PPP3CA: variants seen among roughly 807,000 people sequenced by gnomAD.
PPP3CA encodes the protein CAM-PRP catalytic subunit.
Under a neutral mutation model 66.5 loss-of-function variants are expected in PPP3CA, and 14 were observed. The ratio of observed to expected loss-of-function variants is 0.21; its 90% CI spans 0.14 to 0.33. PPP3CA has a LOEUF of 0.33. PPP3CA is among the 10% of genes least tolerant of loss of function. PPP3CA has a pLI of 1.00. For missense variants in PPP3CA, 317 were observed against 639.5 expected, an observed-to-expected ratio of 0.50 and a Z score of 5.44; for synonymous variants, 232 against 226.2, an observed-to-expected ratio of 1.03 and a Z score of -0.23.
intron 1 of PPP3CA, among the ~76,000 whole-genome samples, chr4:101,333,167 TG>T (rs1168266887): frequency 2.0e-5 from 3 of 146,896 alleles, no homozygotes; most frequent in Non-Finnish European, 4.5e-5. Flanking sequence ...TGTAACGGCA[TG>T]ATCATGACTC....
chr4:101,132,660 T>C (rs1319195661), intron 2 of PPP3CA, among the ~76,000 whole-genome samples: 1 of 152,178 alleles, frequency 6.6e-6, no homozygotes, highest in Non-Finnish European at 1.5e-5. Flanking sequence ...AGCCGAATTC[T>C]ACCAGAGGTA....
intron 1 of PPP3CA, among the ~76,000 whole-genome samples, chr4:101,246,448 A>C (rs1256304405): frequency 6.6e-6 from 1 of 152,202 alleles, no homozygotes; most frequent in Non-Finnish European, 1.5e-5. Flanking sequence ...TGCAAAGGAG[A>C]CCAAATGTAC....
chr4:101,284,378 A>G (rs1727772124), intron 1 of PPP3CA, among the ~76,000 whole-genome samples: 1 of 137,016 alleles, frequency 7.3e-6, no homozygotes, highest in Non-Finnish European at 1.5e-5. Context: ...AAAAGCTTGG[A>G]AAAAACCTTA....
At position 101,024,481 on chromosome 4, in the gene PPP3CA, T is replaced by C. The variant is rs1234510703; in HGVS notation, c.*1384A>G. 2.6e-5 allele frequency: 4 copies of C among 152,772 alleles called. No homozygotes were observed. In the South Asian group the frequency reaches 6.2e-4, roughly 24 times the overall value. The allele number at this position is 152,772 out of a possible 1,614,324, so 9.5% of individuals were successfully genotyped here. A position where few individuals can be genotyped will look rare whatever the true frequency, so the allele number is the denominator to read the frequency against. ...ATTACTTGGGCACTTATACAATTGT[T>C]AAAAAATATGAATGGACTTTTGTTG... On this transcript the variant is annotated 3_prime_UTR_variant, in exon 14 of 14. Transcript: ENST00000394854.
chr4:101,198,036 T>C (rs946554475), intron 1 of PPP3CA, among the ~76,000 whole-genome samples: 2 of 152,190 alleles, frequency 1.3e-5, no homozygotes, highest in Admixed American at 6.5e-5. Context: ...AAAAGTTATT[T>C]TGAGTAGCTT....
chr4:101,172,206 T>C (rs1723906679), intron 2 of PPP3CA, among the ~76,000 whole-genome samples: 1 of 152,152 alleles, frequency 6.6e-6, no homozygotes, highest in African/African-American at 2.4e-5. Flanking sequence ...AACATGAGTA[T>C]GTCTAGAAAT....
intron 2 of PPP3CA, among the ~76,000 whole-genome samples, chr4:101,147,533 T>C (rs1235340915): frequency 5.3e-5 from 8 of 152,178 alleles, no homozygotes; most frequent in African/African-American, 9.6e-5. Context: ...TGAAATATTA[T>C]ACAAGAATGT....
intron 1 of PPP3CA, among the ~76,000 whole-genome samples, chr4:101,294,566 C>G (rs1463478529): frequency 5.3e-5 from 8 of 151,900 alleles, no homozygotes; most frequent in African/African-American, 1.9e-4. Flanking sequence ...ATATTTGTCT[C>G]TAATATTAGT....
intron 1 of PPP3CA, among the ~76,000 whole-genome samples, chr4:101,204,391 C>T (rs752486451): frequency 6.6e-6 from 1 of 152,098 alleles, no homozygotes; most frequent in African/African-American, 2.4e-5. Context: ...AATCCCAGCA[C>T]TTTGGGAGGC....
chr4:101,117,197 A>C, intron 2 of PPP3CA, among the ~76,000 whole-genome samples: 1 of 152,034 alleles, frequency 6.6e-6, no homozygotes, highest in East Asian at 1.9e-4. Context: ...AGATTACAAT[A>C]GTTATTAACA....
chr4:101,235,869 C>A (rs1004761434), intron 1 of PPP3CA, among the ~76,000 whole-genome samples: 3 of 151,742 alleles, frequency 2.0e-5, no homozygotes, highest in Admixed American at 1.3e-4. Flanking sequence ...ATATGACTTT[C>A]CAATAAAATG....
At chr4:101,026,387 A>G (rs904263988) in intron 13 of PPP3CA, among the ~76,000 whole-genome samples, 12 of 152,242 alleles carry the variant, frequency 7.9e-5, no homozygotes, top group African/African-American at 2.9e-4. Context: ...TTCAGGGACA[A>G]GCCTCTAGAA....
In PPP3CA at chr4:101,024,670, A is replaced by AACTT. The variant is rs1181885444; in HGVS notation, c.*1191_*1194dup. On this transcript the variant is annotated 3_prime_UTR_variant, in exon 14 of 14. Transcript: ENST00000394854. ...ATTTAGAGTTTCACATGTAACTACA[A>AACTT]ACTTATTATAATTTCACAAGGTTTG... 6.6e-6 allele frequency: 1 copy of AACTT among 152,654 alleles called. No homozygotes were observed. Among genetic ancestry groups the AACTT allele is most frequent in the Non-Finnish European group, 1.5e-5 (1 of 68,042 alleles). The allele number at this position is 152,654 out of a possible 1,614,324, so 9.5% of individuals were successfully genotyped here. A position where few individuals can be genotyped will look rare whatever the true frequency, so the allele number is the denominator to read the frequency against.
chr4:101,101,058 G>T (rs775742283), intron 3 of PPP3CA, among the ~76,000 whole-genome samples: 30 of 152,176 alleles, frequency 2.0e-4, no homozygotes, highest in Middle Eastern at 3.4e-3. Flanking sequence ...AGGTAATTAT[G>T]ATTGAAATAA....
intron 2 of PPP3CA, among the ~76,000 whole-genome samples, chr4:101,154,010 T>A (rs1179033246): frequency 6.6e-6 from 1 of 152,134 alleles, no homozygotes; most frequent in Non-Finnish European, 1.5e-5. Context: ...ATGGCCACTT[T>A]TAAAAGAAAA....
chr4:101,322,872 A>AT (rs1234050929), intron 1 of PPP3CA, among the ~76,000 whole-genome samples: 1 of 152,222 alleles, frequency 6.6e-6, no homozygotes, highest in Admixed American at 6.5e-5. Context: ...TAATATCACA[A>AT]TTTTGAAGAG....
chr4:101,166,698 A>G (rs1323520107), intron 2 of PPP3CA, among the ~76,000 whole-genome samples: 4 of 152,188 alleles, frequency 2.6e-5, no homozygotes, highest in Non-Finnish European at 5.9e-5. Context: ...CAATATTTGA[A>G]AAGTATTTAG....
intron 1 of PPP3CA, among the ~76,000 whole-genome samples, chr4:101,320,683 T>C (rs1436415873): frequency 1.3e-5 from 2 of 152,058 alleles, no homozygotes; most frequent in East Asian, 3.9e-4. Context: ...ATTCCAAACT[T>C]GAGTTAAACA....
chr4:101,135,568 C>T (rs1560620742), intron 2 of PPP3CA, among the ~76,000 whole-genome samples: 1 of 152,162 alleles, frequency 6.6e-6, no homozygotes, highest in Non-Finnish European at 1.5e-5. Flanking sequence ...GCATGAGGCA[C>T]CAAGCTTATT....
Sources: gnomAD v4.1 joint callset for allele counts (sites outside exome capture counted in the v4.1 genomes callset) on GRCh38, gnomAD v4.1.1 for gene constraint, MANE v1.5 for transcripts, NCBI Gene and HGNC (gene_info 2026-07-23, HGNC 2026-07-21) for gene names.